The following PREX2 variants were observed in gnomAD, a reference collection of about 807,000 sequenced individuals.
PREX2 encodes the protein phosphatidylinositol-3,4,5-trisphosphate dependent Rac exchange factor 2, also known as phosphatidylinositol 3,4,5-trisphosphate-dependent Rac exchanger 2 protein.
A neutral mutation model predicts 203.2 loss-of-function variants in PREX2; 107 were observed. That is an observed-to-expected ratio of 0.53 (90% confidence interval 0.45 to 0.62). PREX2 has a LOEUF of 0.62. PREX2 is among the 20% of genes least tolerant of loss of function. The pLI is 0.00. For missense variants in PREX2, 1,777 were observed against 1,955.9 expected (o/e 0.91, Z 1.72); for synonymous variants, 672 against 663.6 (o/e 1.01, Z -0.19).
At chr8:68,175,002 C>A (rs1244254253) in intron 35 of PREX2, among the ~76,000 whole-genome samples, 1 of 152,174 alleles carries the variant, frequency 6.6e-6, no homozygotes, top group Non-Finnish European at 1.5e-5. Flanking sequence ...GGACAATATG[C>A]TCTTGAGAAT....
At chr8:68,126,767 C>A (rs1214014246) in intron 30 of PREX2, among the ~76,000 whole-genome samples, 1 of 151,936 alleles carries the variant, frequency 6.6e-6, no homozygotes. Flanking sequence ...GGACACCTAG[C>A]AATTCGTATG....
At chr8:68,000,240 T>A (rs1806901185) in intron 1 of PREX2, among the ~76,000 whole-genome samples, 1 of 152,216 alleles carries the variant, frequency 6.6e-6, no homozygotes, top group African/African-American at 2.4e-5. Flanking sequence ...ATAAACAATT[T>A]TAGCAAAGTC....
At position 68,083,387 on chromosome 8, in the gene PREX2, G is replaced by C. The variant is rs1352854335; in HGVS notation, c.2026G>C (p.Glu676Gln). 6 of 1,601,888 alleles carry C rather than the reference G, an allele frequency of 3.7e-6. No homozygotes were observed. The highest frequency in any genetic ancestry group is 5.1e-6 in the Non-Finnish European group (6 of 1,173,080). Residue 676 changes from glutamate to glutamine, a missense_variant and splice_region_variant, in exon 18 of 40, where the codon GAG becomes CAG. Physicochemically the swap from Glu to Gln is conservative, Grantham distance 29. Transcript: ENST00000288368. ...AGTTCTTGTGAGCACAAAGCCAAGA[G>C]AGTAAGTTGTATGATTTATGTGTGA... ...LRVLVSTKPR[E>Q]TVKIPDSADG...
intron 39 of PREX2, among the ~76,000 whole-genome samples, chr8:68,227,288 G>A (rs1235087512): frequency 3.3e-5 from 5 of 152,142 alleles, no homozygotes; most frequent in African/African-American, 7.2e-5. Context: ...CTTTGGACAC[G>A]AATTGGATAA....
chr8:68,215,474 G>C (rs985117875), intron 37 of PREX2, among the ~76,000 whole-genome samples: 1 of 151,384 alleles, frequency 6.6e-6, no homozygotes, highest in Non-Finnish European at 1.5e-5. Context: ...AGACCTTAAT[G>C]AGGAGAAAAA....
intron 35 of PREX2, among the ~76,000 whole-genome samples, chr8:68,183,192 A>G (rs1184844002): frequency 6.6e-6 from 1 of 152,162 alleles, no homozygotes; most frequent in African/African-American, 2.4e-5. Context: ...AGGTATTTTT[A>G]GAGATAGATT....
At chr8:68,056,128 A>C (rs1563521359) in intron 10 of PREX2, among the ~76,000 whole-genome samples, 154 bp downstream of exon 10, 1 of 152,152 alleles carries the variant, frequency 6.6e-6, no homozygotes, top group Non-Finnish European at 1.5e-5. Flanking sequence ...AGCAGGATGA[A>C]GGAATGGACA....
chr8:68,191,696 A>G lies in PREX2; in HGVS notation c.4347-26A>G, dbSNP rs201124034. On this transcript the variant is annotated intron_variant, in intron 35 of 39. Coordinates refer to ENST00000288368, the MANE Select transcript of PREX2 (RefSeq NM_024870.4). ...TTATGTCTTTTCCTAACAACAAATG[A>G]TAATTTATTTCTTGGATTCTTACAG... 3.1e-4 allele frequency: 478 copies of G among 1,535,736 alleles called. 1 individual carries two copies. The African/African-American group carries it at 5.8e-3, about 19-fold the overall frequency.
At chr8:68,030,870 TGTGATG>T (rs1334128305) in intron 6 of PREX2, among the ~76,000 whole-genome samples, 44 of 152,242 alleles carry the variant, frequency 2.9e-4, no homozygotes, top group African/African-American at 1.1e-3. Context: ...CCAATAAGTT[TGTGATG>T]GAGCCAATAG....
chr8:68,170,142 T>C (rs960968700), intron 35 of PREX2, among the ~76,000 whole-genome samples: 17 of 152,118 alleles, frequency 1.1e-4, no homozygotes, highest in African/African-American at 3.6e-4. Flanking sequence ...AAGCTTGTCA[T>C]GTTTGAGGAA....
rs1813229925 is a variant in PREX2 at position 68,234,536 on chromosome 8, T to C, written c.*3158T>C. ...AAATATTACAAAATTTAATGTGATATTAAAGTATGAAAAATTTGAGAAGAT... is the reference window on the plus strand; with the variant it reads ...AAATATTACAAAATTTAATGTGATACTAAAGTATGAAAAATTTGAGAAGAT... On this transcript the variant is annotated 3_prime_UTR_variant, in exon 40 of 40. Transcript: ENST00000288368. 6.6e-6 allele frequency: 1 copy of C among 152,204 alleles called. No individual in the cohort carries two copies. Among genetic ancestry groups the C allele is most frequent in the Non-Finnish European group, 1.5e-5 (1 of 68,026 alleles). The allele number at this position is 152,204 out of a possible 1,614,324, so 9.4% of individuals were successfully genotyped here.
chr8:67,965,124 C>CTTA (rs1805731100), intron 1 of PREX2, among the ~76,000 whole-genome samples: 1 of 152,142 alleles, frequency 6.6e-6, no homozygotes, highest in African/African-American at 2.4e-5. Flanking sequence ...GCAACAGGAG[C>CTTA]TTATGGTCAA....
At position 68,235,038 on chromosome 8, in the gene PREX2, A is replaced by T. The variant is rs937416325; in HGVS notation, c.*3660A>T. 6.6e-6 allele frequency: 1 copy of T among 152,120 alleles called. No individual in the cohort carries two copies. The highest frequency in any genetic ancestry group is 1.5e-5 in the Non-Finnish European group (1 of 68,004). 9.4% of individuals were successfully genotyped at this position (152,120 alleles called of 1,614,324 possible). ...TTGGGCTTGTACATTTTATAGACAA[A>T]ATTAGCATTTATTGATTTGGAAGTG... is the stretch of plus-strand genomic sequence containing the variant. On this transcript the variant is annotated 3_prime_UTR_variant, in exon 40 of 40. Coordinates refer to ENST00000288368, the MANE Select transcript of PREX2 (RefSeq NM_024870.4).
chr8:68,126,825 T>C (rs551907595), intron 30 of PREX2, among the ~76,000 whole-genome samples: 62 of 152,004 alleles, frequency 4.1e-4, no homozygotes, highest in African/African-American at 1.4e-3. Context: ...CTGTGTGGGT[T>C]GGAGTTGGAA....
At chr8:68,022,225 A>G in intron 4 of PREX2, 85 bp downstream of exon 4, 2 of 727,686 alleles carry the variant, frequency 2.7e-6, no homozygotes, top group South Asian at 3.1e-5. Context: ...ATATGGAGTA[A>G]AAATCTGTGG....
At chr8:67,961,165 T>A (rs1384054394) in intron 1 of PREX2, among the ~76,000 whole-genome samples, 1 of 152,052 alleles carries the variant, frequency 6.6e-6, no homozygotes, top group African/African-American at 2.4e-5. Context: ...ACAATTCTTT[T>A]AGTATATACC....
intron 14 of PREX2, among the ~76,000 whole-genome samples, chr8:68,074,726 ACT>A (rs1809296795): frequency 6.6e-6 from 1 of 152,086 alleles, no homozygotes. Flanking sequence ...TTCTTCCAAG[ACT>A]CTGAAATGAT....
chr8:68,206,698 C>T (rs757034208), intron 37 of PREX2, among the ~76,000 whole-genome samples: 6 of 152,156 alleles, frequency 3.9e-5, no homozygotes, highest in Admixed American at 6.5e-5. Flanking sequence ...AAGAATTAGA[C>T]GTTTATTCAT....
At chr8:68,100,368 G>T (rs965944118) in intron 23 of PREX2, 4 of 358,404 alleles carry the variant, frequency 1.1e-5, no homozygotes, top group African/African-American at 6.4e-5. Flanking sequence ...TCCTCTCATG[G>T]TGCTCACATT....
Sources: allele counts gnomAD v4.1 joint callset (sites outside exome capture counted in the v4.1 genomes callset), GRCh38; gene constraint gnomAD v4.1.1; transcripts MANE v1.5; gene names NCBI Gene and HGNC (gene_info 2026-07-23, HGNC 2026-07-21).